Variants in DCLK1 observed in about 807,000 individuals in gnomAD.
DCLK1 encodes the protein serine/threonine-protein kinase DCLK1.
In DCLK1, 16 loss-of-function variants were observed where a neutral mutation model predicts 86.2. That is an observed-to-expected ratio of 0.19 (90% CI 0.13 to 0.28). The LOEUF (loss-of-function observed/expected upper bound fraction) is 0.28. Ranked by LOEUF, DCLK1 falls within the 10% of genes least tolerant of loss-of-function variation. The pLI is 1.00. For missense variants in DCLK1, 590 were observed against 940.2 expected (o/e 0.63, Z 4.87); for synonymous variants, 369 against 370.5 (o/e 1.00, Z 0.05).
At chr13:35,885,937 T>C (rs548575571) in intron 4 of DCLK1, among the ~76,000 whole-genome samples, 1 of 151,982 alleles carries the variant, frequency 6.6e-6, no homozygotes, top group South Asian at 2.1e-4. Flanking sequence ...AGAGGAGAGA[T>C]GTAAAATTAT....
intron 3 of DCLK1, among the ~76,000 whole-genome samples, chr13:35,981,532 T>A (rs1325319666): frequency 6.6e-6 from 1 of 152,184 alleles, no homozygotes; most frequent in Non-Finnish European, 1.5e-5. Flanking sequence ...GTTCACTCTG[T>A]GTTGCACATT....
chr13:35,810,803 G>T, intron 12 of DCLK1, 32 bp downstream of exon 12: 2 of 1,609,426 alleles, frequency 1.2e-6, no homozygotes, highest in Non-Finnish European at 1.7e-6. Flanking sequence ...TCTTTTGCAA[G>T]CATAGCACTT....
chr13:36,034,667 C>G (rs761921384), intron 3 of DCLK1, among the ~76,000 whole-genome samples: 14 of 152,168 alleles, frequency 9.2e-5, no homozygotes, highest in Non-Finnish European at 1.8e-4. Flanking sequence ...CAAGTCCTCT[C>G]TTAGTGGTGA....
intron 3 of DCLK1, among the ~76,000 whole-genome samples, chr13:35,953,859 C>T (rs1006628736): frequency 1.3e-5 from 2 of 152,174 alleles, no homozygotes; most frequent in African/African-American, 4.8e-5. Context: ...TCAAACGAAA[C>T]AGGGGATATC....
intron 11 of DCLK1, among the ~76,000 whole-genome samples, chr13:35,812,563 A>T (rs2087170182): frequency 6.6e-6 from 1 of 152,246 alleles, no homozygotes; most frequent in Admixed American, 6.5e-5. Context: ...ACTGCAACAC[A>T]AAATGCAGAT....
intron 5 of DCLK1, among the ~76,000 whole-genome samples, chr13:35,865,778 A>C (rs1871745219): frequency 6.6e-6 from 1 of 152,188 alleles, no homozygotes; most frequent in Non-Finnish European, 1.5e-5. Context: ...TAAGGGACAA[A>C]GGGAAGACTT....
At chr13:36,119,754 G>T (rs1466027155) in intron 2 of DCLK1, among the ~76,000 whole-genome samples, 1 of 152,180 alleles carries the variant, frequency 6.6e-6, no homozygotes. Context: ...AACCGTCATA[G>T]CTTCAAGGAG....
chr13:36,045,599 C>A (rs1882881075), intron 3 of DCLK1, among the ~76,000 whole-genome samples: 1 of 151,772 alleles, frequency 6.6e-6, no homozygotes, highest in Admixed American at 6.6e-5. Context: ...CGCCTATAAT[C>A]CCAGCACTTT....
At chr13:36,011,063 G>A (rs1171000) in intron 3 of DCLK1, among the ~76,000 whole-genome samples, 1 of 61,486 alleles carries the variant, frequency 1.6e-5, no homozygotes, top group Non-Finnish European at 3.3e-5. Context: ...CTGTGGGATC[G>A]GTGGTGATAT....
intron 3 of DCLK1, among the ~76,000 whole-genome samples, chr13:35,958,048 T>TATAACCACTAGCACCAC (rs1566620291): frequency 5.3e-4 from 6 of 11,240 alleles, no homozygotes; most frequent in African/African-American, 2.2e-3. Context: ...ACCACCACCA[T>TATAACCACTAGCACCAC]CACCACTATA....
chr13:35,950,093 G>GC lies in DCLK1; in HGVS notation c.724-2637_724-2636insG, dbSNP rs554329028. ...TTCCGTGCTTTCTGTTCGAAATCATGTAACCACTTTCCTGCTCACAACTTC... is the reference window on the plus strand; with the variant it reads ...TTCCGTGCTTTCTGTTCGAAATCATGCTAACCACTTTCCTGCTCACAACTTC... On this transcript the variant is annotated intron_variant, in intron 3 of 16. Transcript: ENST00000360631. Among the ~76,000 whole-genome samples the GC allele has an allele frequency of 2.6e-5, 4 of 152,182 alleles. No individual in the cohort carries two copies. In the South Asian group the frequency reaches 8.3e-4, roughly 32 times the overall value.
At chr13:36,060,432 C>T (rs1883498131) in intron 3 of DCLK1, among the ~76,000 whole-genome samples, 1 of 152,054 alleles carries the variant, frequency 6.6e-6, no homozygotes, top group African/African-American at 2.4e-5. Flanking sequence ...GCCTCATGAT[C>T]AGAACGATTA....
intron 11 of DCLK1, among the ~76,000 whole-genome samples, chr13:35,813,166 G>A (rs1190103249): frequency 6.6e-6 from 1 of 152,128 alleles, no homozygotes; most frequent in African/African-American, 2.4e-5. Flanking sequence ...ATTCCATTTT[G>A]TTAACAATAA....
rs919377986 is a variant in DCLK1 at position 35,774,474 on chromosome 13, G to T, written c.*61C>A. 24 of 1,534,144 alleles carry T rather than the reference G, an allele frequency of 1.6e-5. No individual in the cohort carries two copies. Among genetic ancestry groups the T allele is most frequent in the Admixed American group, 4.0e-5 (2 of 49,484 alleles). ...AGATGAAACTGTTTTACACAAATTT[G>T]GGGGAAAAAAATCTCAGAGTCTCAA... On this transcript the variant is annotated 3_prime_UTR_variant, in exon 17 of 17. Coordinates refer to ENST00000360631, the MANE Select transcript of DCLK1 (RefSeq NM_001330071.2).
chr13:35,855,424 G>T, intron 5 of DCLK1: 1 of 1,332,292 alleles, frequency 7.5e-7, no homozygotes, highest in Non-Finnish European at 1.1e-6. Flanking sequence ...AGTCAGTGAA[G>T]TAGAATTAAC....
chr13:36,102,115 C>A (rs1221217264), intron 3 of DCLK1, among the ~76,000 whole-genome samples: 3 of 151,656 alleles, frequency 2.0e-5, no homozygotes, highest in Non-Finnish European at 2.9e-5. Context: ...CAACTTATTT[C>A]TGTTGTGTAA....
Position 35,955,094 on chromosome 13 carries a change from C to T in DCLK1, c.724-7637G>A, listed in dbSNP as rs556244292. 9.9e-5 allele frequency among the ~76,000 whole-genome samples: 15 copies of T among 152,230 alleles called. No homozygotes were observed. In the South Asian group the frequency reaches 3.1e-3, roughly 32 times the overall value. On this transcript the variant is annotated intron_variant, in intron 3 of 16. Transcript: ENST00000360631. ...CTTCTGTTGAACATACCCTCTGACC[C>T]AGGAATGCACCCTTTATGCATGGAT...
At chr13:35,788,250 AG>A (rs752307004) in intron 16 of DCLK1, 9 of 1,613,886 alleles carry the variant, frequency 5.6e-6, no homozygotes. Flanking sequence ...AGTAGTCCAA[AG>A]ACCCTGATCT....
intron 4 of DCLK1, among the ~76,000 whole-genome samples, chr13:35,882,728 T>C (rs902159839): frequency 3.9e-5 from 6 of 152,194 alleles, no homozygotes; most frequent in Non-Finnish European, 5.9e-5. Context: ...CTGGTTAACG[T>C]TCTGTTCATA....
Sources: allele counts gnomAD v4.1 joint callset (sites outside exome capture counted in the v4.1 genomes callset), GRCh38; gene constraint gnomAD v4.1.1; transcripts MANE v1.5; gene names NCBI Gene and HGNC (gene_info 2026-07-23, HGNC 2026-07-21).